PHACTR1: variants seen among roughly 807,000 people sequenced by gnomAD.
PHACTR1 encodes the protein RPEL repeat containing 1.
In PHACTR1, 16 loss-of-function variants were observed where a neutral mutation model predicts 69.2. The ratio of observed to expected loss-of-function variants is 0.23; its 90% CI spans 0.16 to 0.35. The LOEUF (loss-of-function observed/expected upper bound fraction) is 0.35, where lower values mean the gene tolerates loss of function less well. Ranked by LOEUF, PHACTR1 falls within the 10% of genes least tolerant of loss-of-function variation. The pLI, the probability that PHACTR1 is intolerant of heterozygous loss-of-function variation, is 1.00. For missense variants in PHACTR1, 510 were observed against 734.7 expected (o/e 0.69, Z 3.54); for synonymous variants, 312 against 284.5 (o/e 1.10, Z -0.97).
At chr6:13,196,176 G>T (rs1156280975) in intron 7 of PHACTR1, among the ~76,000 whole-genome samples, 1 of 152,166 alleles carries the variant, frequency 6.6e-6, no homozygotes, top group Non-Finnish European at 1.5e-5. Context: ...AAGAAGTAGT[G>T]TGTATCCTCC....
intron 10 of PHACTR1, among the ~76,000 whole-genome samples, chr6:13,251,272 G>T (rs1774359204): frequency 6.6e-6 from 1 of 152,236 alleles, no homozygotes; most frequent in African/African-American, 2.4e-5. Flanking sequence ...GATGGCTCCT[G>T]TGACTGAGGG....
chr6:13,251,168 G>A (rs2127397286), intron 10 of PHACTR1, among the ~76,000 whole-genome samples: 1 of 152,270 alleles, frequency 6.6e-6, no homozygotes, highest in East Asian at 1.9e-4. Flanking sequence ...GTAGGATTCT[G>A]CCTGCCAGGC....
intron 8 of PHACTR1, among the ~76,000 whole-genome samples, chr6:13,208,346 C>T (rs1766244256): frequency 6.6e-6 from 1 of 152,198 alleles, no homozygotes; most frequent in Non-Finnish European, 1.5e-5. Context: ...AGCAATATGA[C>T]AGAATAATTT....
At chr6:12,891,394 A>T (rs1784158424) in intron 4 of PHACTR1, among the ~76,000 whole-genome samples, 1 of 151,862 alleles carries the variant, frequency 6.6e-6, no homozygotes, top group South Asian at 2.1e-4. Flanking sequence ...TACAAAGGAG[A>T]CCTCCCTAAA....
chr6:13,186,916 G>A (rs1237193811), intron 7 of PHACTR1, among the ~76,000 whole-genome samples: 1 of 152,158 alleles, frequency 6.6e-6, no homozygotes, highest in African/African-American at 2.4e-5. Flanking sequence ...GGAGCCCTGA[G>A]CTTGTTTTCC....
At chr6:12,749,067 C>A (rs1766181804) in intron 3 of PHACTR1, among the ~76,000 whole-genome samples, 1 of 152,218 alleles carries the variant, frequency 6.6e-6, no homozygotes, top group Non-Finnish European at 1.5e-5. Context: ...CCATGACCAG[C>A]GGGACCAGGG....
At chr6:12,746,052 C>A (rs1765747657) in intron 3 of PHACTR1, among the ~76,000 whole-genome samples, 1 of 152,092 alleles carries the variant, frequency 6.6e-6, no homozygotes. Flanking sequence ...AAAATGAGTC[C>A]TTTGTATAGG....
intron 4 of PHACTR1, among the ~76,000 whole-genome samples, chr6:13,000,650 AGGG>A (rs1797985634): frequency 1.3e-5 from 1 of 79,830 alleles, no homozygotes; most frequent in African/African-American, 6.1e-5. Context: ...GGGGGGAGGG[AGGG>A]AGGAAGGGGA....
At position 13,093,507 on chromosome 6, in the gene PHACTR1, A is replaced by G. The variant is rs182529657; in HGVS notation, c.415+39978A>G. On this transcript the variant is annotated intron_variant, in intron 5 of 14. Coordinates refer to ENST00000332995, the MANE Select transcript of PHACTR1 (RefSeq NM_030948.6). ...GTTCCATCCAGCATGCTACTCTAAC[A>G]CTGGGTCAGCAAAATCACAGTTGTA... Among the ~76,000 whole-genome samples, 469 of 152,260 alleles carry G rather than the reference A, an allele frequency of 3.1e-3. 4 individuals are homozygous for G. Among genetic ancestry groups the G allele is most frequent in the Non-Finnish European group, 5.3e-3 (359 of 68,028 alleles).
At chr6:13,286,430 A>G (rs1006365200) in intron 14 of PHACTR1, among the ~76,000 whole-genome samples, 1 of 152,236 alleles carries the variant, frequency 6.6e-6, no homozygotes, top group Non-Finnish European at 1.5e-5. Context: ...AACTTTCTGC[A>G]AAGTCTGAGT....
intron 3 of PHACTR1, among the ~76,000 whole-genome samples, chr6:12,737,571 C>T (rs1271895326): frequency 1.3e-5 from 2 of 149,802 alleles, no homozygotes; most frequent in South Asian, 4.2e-4. Context: ...ATTCCTAATA[C>T]TTTACTGTGT....
At chr6:13,250,663 A>G (rs540565335) in intron 10 of PHACTR1, among the ~76,000 whole-genome samples, 1 of 152,358 alleles carries the variant, frequency 6.6e-6, no homozygotes, top group Admixed American at 6.5e-5. Context: ...AATAAATATC[A>G]GCAGGTGTGA....
intron 6 of PHACTR1, among the ~76,000 whole-genome samples, chr6:13,181,794 G>A (rs182004598): frequency 9.2e-5 from 14 of 152,262 alleles, no homozygotes; most frequent in South Asian, 2.1e-4. Context: ...ACCTTGGTGC[G>A]TGTTGAATGA....
intron 5 of PHACTR1, among the ~76,000 whole-genome samples, chr6:13,126,645 C>T (rs1206050353): frequency 6.6e-6 from 1 of 152,226 alleles, no homozygotes; most frequent in Non-Finnish European, 1.5e-5. Flanking sequence ...AAATATCCAC[C>T]ATGTGTTAAG....
chr6:12,982,450 G>T (rs1422226696), intron 4 of PHACTR1, among the ~76,000 whole-genome samples: 4 of 152,204 alleles, frequency 2.6e-5, no homozygotes, highest in Non-Finnish European at 5.9e-5. Context: ...GGAGGCCAAG[G>T]CGGGTGGATC....
intron 10 of PHACTR1, among the ~76,000 whole-genome samples, chr6:13,254,708 T>A (rs1263132434): frequency 6.6e-6 from 1 of 152,206 alleles, no homozygotes; most frequent in Non-Finnish European, 1.5e-5. Flanking sequence ...GGCTTCAGAA[T>A]CCTTCTCAAC....
At chr6:13,000,869 A>G (rs1265090842) in intron 4 of PHACTR1, among the ~76,000 whole-genome samples, 1 of 152,168 alleles carries the variant, frequency 6.6e-6, no homozygotes, top group African/African-American at 2.4e-5. Flanking sequence ...TCCCCAAGAT[A>G]ATCTTCCAGT....
intron 4 of PHACTR1, among the ~76,000 whole-genome samples, chr6:12,886,762 T>C (rs1028987579): frequency 2.0e-5 from 3 of 152,132 alleles, no homozygotes; most frequent in Non-Finnish European, 4.4e-5. Context: ...AAGTGCTCTT[T>C]CGTTTTTTGT....
chr6:12,788,255 TA>T (rs5874382), intron 4 of PHACTR1, among the ~76,000 whole-genome samples: 68,374 of 151,686 alleles, frequency 0.45, 16,331 homozygotes, highest in African/African-American at 0.59. Context: ...CTGATGTAAC[TA>T]AGTGGTGATA....
Sources: allele counts gnomAD v4.1 joint callset (sites outside exome capture counted in the v4.1 genomes callset), GRCh38; gene constraint gnomAD v4.1.1; transcripts MANE v1.5; gene names NCBI Gene and HGNC (gene_info 2026-07-23, HGNC 2026-07-21).